Variants in UNC80 observed in about 807,000 individuals in gnomAD.
The protein encoded by UNC80 is unc-80 subunit of NALCN channel complex, also known as protein unc-80 homolog.
Under a neutral mutation model 384.6 loss-of-function variants are expected in UNC80, and 164 were observed. The ratio of observed to expected loss-of-function variants is 0.43; its 90% CI spans 0.38 to 0.49. The LOEUF (loss-of-function observed/expected upper bound fraction) is 0.49. Ranked by LOEUF, UNC80 falls within the 20% of genes least tolerant of loss-of-function variation. The pLI, the probability that UNC80 is intolerant of heterozygous loss-of-function variation, is 0.00. For synonymous variants in UNC80, 1,486 were observed against 1,527.8 expected, an observed-to-expected ratio of 0.97 and a Z score of 0.64; for missense variants, 3,330 against 4,143.0, an observed-to-expected ratio of 0.80 and a Z score of 5.39.
chr2:209,789,644 A>G, intron 6 of UNC80, 39 bp downstream of exon 6: 1 of 1,441,586 alleles, frequency 6.9e-7, no homozygotes, highest in Non-Finnish European at 9.8e-7. Flanking sequence ...GGAGGCAGAA[A>G]GTCCTTGGAC....
intron 34 of UNC80, among the ~76,000 whole-genome samples, chr2:209,922,014 A>G (rs1237298220): frequency 6.6e-6 from 1 of 152,218 alleles, no homozygotes; most frequent in Admixed American, 6.5e-5. Context: ...AAAATGATTA[A>G]TTAATCATTC....
rs2093502687 is a variant in UNC80, at chr2:209,997,633, C to G, written c.*2038C>G. 6.6e-6 allele frequency: 1 copy of G among 152,142 alleles called. No homozygotes were observed. Among genetic ancestry groups the G allele is most frequent in the Non-Finnish European group, 1.5e-5 (1 of 68,010 alleles). The allele number at this position is 152,142 out of a possible 1,614,324, so 9.4% of individuals were successfully genotyped here. A position where few individuals can be genotyped will look rare whatever the true frequency, so the allele number is the denominator to read the frequency against. On this transcript the variant is annotated 3_prime_UTR_variant, in exon 65 of 65. Transcript: ENST00000673920. ...AACATGATTATGCTGGTCTGTCTGT[C>G]TTTTAGCCTGACTCCTTCACTCTTG...
intron 5 of UNC80, among the ~76,000 whole-genome samples, chr2:209,788,585 A>C (rs1243516647): frequency 1.4e-5 from 2 of 147,724 alleles, no homozygotes; most frequent in East Asian, 3.9e-4. Context: ...TAAAATATAA[A>C]AAATATACAA....
intron 23 of UNC80, among the ~76,000 whole-genome samples, chr2:209,873,920 T>C (rs1455906931): frequency 6.6e-6 from 1 of 152,140 alleles, no homozygotes; most frequent in East Asian, 1.9e-4. Flanking sequence ...TTATTTGCTG[T>C]TCTTTGGATT....
chr2:209,947,720 A>AT (rs992754190), intron 47 of UNC80, among the ~76,000 whole-genome samples: 1 of 151,740 alleles, frequency 6.6e-6, no homozygotes, highest in Non-Finnish European at 1.5e-5. Context: ...GTTGTACTTA[A>AT]TTTTTTTTAA....
chr2:209,915,254 A>G (rs995696234), intron 31 of UNC80, among the ~76,000 whole-genome samples: 2 of 151,926 alleles, frequency 1.3e-5, no homozygotes, highest in African/African-American at 4.8e-5. Context: ...ATACAAAAAA[A>G]ATTAGCCGGG....
intron 6 of UNC80, among the ~76,000 whole-genome samples, chr2:209,792,677 G>A (rs1162981858): frequency 6.6e-6 from 1 of 152,140 alleles, no homozygotes; most frequent in African/African-American, 2.4e-5. Context: ...TTGATTCTAT[G>A]TTGAAATGAT....
chr2:209,949,871 A>G (rs931973505), intron 47 of UNC80, among the ~76,000 whole-genome samples: 1 of 150,718 alleles, frequency 6.6e-6, no homozygotes, highest in Non-Finnish European at 1.5e-5. Context: ...TCTGTTGCCA[A>G]GGTTGGAGTG....
At chr2:209,864,103 C>G (rs2083538637) in intron 22 of UNC80, among the ~76,000 whole-genome samples, 1 of 151,770 alleles carries the variant, frequency 6.6e-6, no homozygotes, top group African/African-American at 2.4e-5. Context: ...TCAGGTTCCT[C>G]CTCTGTAGAG....
intron 28 of UNC80, among the ~76,000 whole-genome samples, chr2:209,899,341 A>C (rs2087134445): frequency 6.6e-6 from 1 of 152,222 alleles, no homozygotes; most frequent in Admixed American, 6.5e-5. Context: ...ATATAAGTTC[A>C]TTGATTGTAA....
Position 209,772,060 on chromosome 2 carries a change from G to T in UNC80, c.-13G>T. 1 of 1,546,950 alleles carries T rather than the reference G, an allele frequency of 6.5e-7. No individual in the cohort carries two copies. Among genetic ancestry groups the T allele is most frequent in the Non-Finnish European group, 8.7e-7 (1 of 1,144,142 alleles). ...AGCTGGGTCCTGCAGTAGGACTCCC[G>T]GGAGCCACCATTATGGTGAAGAGGA... On this transcript the variant is annotated 5_prime_UTR_variant, in exon 1 of 65. Transcript: ENST00000673920.
At chr2:209,972,982 T>G in intron 55 of UNC80, 82 bp from the exon 56 acceptor site, 1 of 1,321,142 alleles carries the variant, frequency 7.6e-7, no homozygotes, top group Non-Finnish European at 1.0e-6. Flanking sequence ...TGGAAAGAGC[T>G]GAGTTTTTCT....
chr2:209,967,699 T>C (rs980915249), intron 52 of UNC80, 62 bp downstream of exon 52: 1 of 1,495,890 alleles, frequency 6.7e-7, no homozygotes, highest in African/African-American at 1.4e-5. Context: ...TTTGTCATTT[T>C]TTAAGATGGT....
At chr2:209,887,953 C>T in intron 25 of UNC80, 142 bp from the exon 26 acceptor site, 1 of 658,800 alleles carries the variant, frequency 1.5e-6, no homozygotes, top group Non-Finnish European at 2.5e-6. Context: ...TGCATGGTCA[C>T]AATCTAAAAT....
At chr2:209,840,092 T>C (rs2081625903) in intron 19 of UNC80, among the ~76,000 whole-genome samples, 1 of 152,062 alleles carries the variant, frequency 6.6e-6, no homozygotes, top group African/African-American at 2.4e-5. Flanking sequence ...CTCAAGCAAG[T>C]AAACTTTTTG....
chr2:209,984,781 C>T (rs2093246366), intron 60 of UNC80, 75 bp from the exon 61 acceptor site: 2 of 1,375,196 alleles, frequency 1.5e-6, no homozygotes, highest in Non-Finnish European at 9.8e-7. Flanking sequence ...CAGAAAATTG[C>T]ATGCCTTTTT....
rs978748268 is a variant in UNC80, at chr2:209,872,981, G to A, written c.3840+11G>A. The A allele has an allele frequency of 1.9e-5, 30 of 1,550,758 alleles. No individual in the cohort carries two copies. The highest frequency in any genetic ancestry group is 2.7e-5 in the African/African-American group (2 of 72,974). On this transcript the variant is annotated intron_variant, in intron 23 of 64. Coordinates refer to ENST00000673920, the MANE Select transcript of UNC80 (RefSeq NM_001371986.1). The surrounding 1 kb of genome is among the most constrained non-coding windows in gnomAD (Gnocchi z 4.1). ...TACCAATGGGGAGACGTGAGCTTTC[G>A]GTTTTCTTCTATAACAATTAGGTTG...
At chr2:209,891,928 A>G (rs1279053563) in intron 26 of UNC80, among the ~76,000 whole-genome samples, 1 of 152,186 alleles carries the variant, frequency 6.6e-6, no homozygotes, top group Non-Finnish European at 1.5e-5. Context: ...TTCTTGAAAT[A>G]AACACGCTGA....
chr2:209,896,550 A>G (rs1412719707), intron 28 of UNC80, 137 bp downstream of exon 28: 4 of 750,714 alleles, frequency 5.3e-6, no homozygotes, highest in Middle Eastern at 2.8e-4. Context: ...CTTATGTTTT[A>G]CCTGAATATC....
Sources: allele counts gnomAD v4.1 joint callset (sites outside exome capture counted in the v4.1 genomes callset), GRCh38; gene constraint gnomAD v4.1.1; non-coding constraint Gnocchi (gnomAD v3.1); transcripts MANE v1.5; gene names NCBI Gene and HGNC (gene_info 2026-07-23, HGNC 2026-07-21).